The following CDH13 variants were observed in gnomAD, a reference collection of about 807,000 sequenced individuals.
CDH13 encodes cadherin 13.
A neutral mutation model predicts 63.8 loss-of-function variants in CDH13; 24 were observed. The observed-to-expected ratio is 0.38, with a 90% confidence interval of 0.27 to 0.53. The LOEUF (loss-of-function observed/expected upper bound fraction) is 0.53. Among genes scored for constraint, CDH13 ranks in the 20% least tolerant of loss-of-function variants. The pLI, the probability that CDH13 is intolerant of heterozygous loss-of-function variation, is 0.85. For synonymous variants in CDH13, 503 were observed against 355.3 expected (o/e 1.42, Z -4.67); for missense variants, 1,049 against 903.1 (o/e 1.16, Z -2.07).
intron 6 of CDH13, among the ~76,000 whole-genome samples, chr16:83,381,501 G>C (rs777567084): frequency 2.0e-5 from 3 of 151,804 alleles, no homozygotes; most frequent in Non-Finnish European, 4.4e-5. Flanking sequence ...CTGGGATGCA[G>C]TTCTTCTGGA....
At chr16:83,109,266 A>T (rs1320285395) in intron 3 of CDH13, among the ~76,000 whole-genome samples, 1 of 152,096 alleles carries the variant, frequency 6.6e-6, no homozygotes, top group African/African-American at 2.4e-5. Context: ...TGGAATCTGT[A>T]GGACTTGGCA....
intron 1 of CDH13, among the ~76,000 whole-genome samples, chr16:82,784,669 T>C (rs1024959988): frequency 2.0e-5 from 3 of 152,096 alleles, no homozygotes; most frequent in African/African-American, 7.2e-5. Flanking sequence ...AGGGGAAAAC[T>C]TCAGGGCACC....
At chr16:82,655,201 C>G (rs1406679722) in intron 1 of CDH13, among the ~76,000 whole-genome samples, 2 of 152,228 alleles carry the variant, frequency 1.3e-5, no homozygotes, top group African/African-American at 4.8e-5. Flanking sequence ...TTCCTATCTT[C>G]ATGGAGCTAT....
chr16:82,951,256 C>T (rs1203600865), intron 2 of CDH13, among the ~76,000 whole-genome samples: 4 of 152,066 alleles, frequency 2.6e-5, no homozygotes, highest in Admixed American at 6.5e-5. Flanking sequence ...CATCCCTCAC[C>T]CCATCCCAAT....
At chr16:83,003,410 C>G (rs1419638162) in intron 2 of CDH13, among the ~76,000 whole-genome samples, 1 of 150,866 alleles carries the variant, frequency 6.6e-6, no homozygotes, top group Non-Finnish European at 1.5e-5. Context: ...AATTTTCTAT[C>G]TCAAAAATCC....
chr16:83,374,835 C>T (rs2091433041), intron 6 of CDH13, among the ~76,000 whole-genome samples: 1 of 152,192 alleles, frequency 6.6e-6, no homozygotes. Context: ...GAATATACTG[C>T]TTCCATATGA....
intron 10 of CDH13, among the ~76,000 whole-genome samples, chr16:83,741,438 T>G (rs986416783): frequency 6.6e-6 from 1 of 152,092 alleles, no homozygotes; most frequent in African/African-American, 2.4e-5. Flanking sequence ...TAGTTTTTAT[T>G]TTCTACGTTT....
intron 1 of CDH13, chr16:82,719,369 G>A: frequency 2.2e-6 from 1 of 455,856 alleles, no homozygotes; most frequent in Non-Finnish European, 4.4e-6. Context: ...GAGTCAGGTG[G>A]TCCTGTGTGC....
chr16:82,791,305 C>T (rs993152659), intron 1 of CDH13, among the ~76,000 whole-genome samples: 4 of 151,166 alleles, frequency 2.6e-5, no homozygotes, highest in African/African-American at 7.3e-5. Context: ...CTTTTAAACA[C>T]GGGGCTTGTA....
At chr16:83,492,812 T>A (rs1337961501) in intron 7 of CDH13, among the ~76,000 whole-genome samples, 2 of 152,160 alleles carry the variant, frequency 1.3e-5, no homozygotes, top group African/African-American at 4.8e-5. Flanking sequence ...TCCTCCACTC[T>A]GGATAAATTC....
At chr16:83,104,870 T>C (rs983856413) in intron 3 of CDH13, among the ~76,000 whole-genome samples, 5 of 152,134 alleles carry the variant, frequency 3.3e-5, no homozygotes, top group Non-Finnish European at 7.4e-5. Context: ...ATCTGAAAAA[T>C]GGACCAAATC....
intron 3 of CDH13, among the ~76,000 whole-genome samples, chr16:83,049,413 C>G (rs1041035708): frequency 6.9e-6 from 1 of 144,740 alleles, no homozygotes; most frequent in Non-Finnish European, 1.5e-5. Context: ...CTATTCACTG[C>G]AAGCTCCACC....
chr16:83,224,295 A>G (rs1208190392), intron 5 of CDH13, among the ~76,000 whole-genome samples: 1 of 152,244 alleles, frequency 6.6e-6, no homozygotes, highest in East Asian at 1.9e-4. Flanking sequence ...GCAATTGCGA[A>G]TTGAGCTGCT....
chr16:82,794,120 A>G (rs2036459386), intron 1 of CDH13, among the ~76,000 whole-genome samples: 1 of 151,744 alleles, frequency 6.6e-6, no homozygotes, highest in African/African-American at 2.4e-5. Context: ...GAGGCCCAAC[A>G]CAAGTTCGTA....
chr16:83,077,691 G>A (rs531382893), intron 3 of CDH13, among the ~76,000 whole-genome samples: 1 of 152,258 alleles, frequency 6.6e-6, no homozygotes, highest in East Asian at 1.9e-4. Context: ...ACAATTCTGT[G>A]TATAGACCTG....
chr16:83,198,139 G>C (rs1271167848), intron 4 of CDH13, among the ~76,000 whole-genome samples: 2 of 151,886 alleles, frequency 1.3e-5, no homozygotes, highest in African/African-American at 4.8e-5. Context: ...TTCTCTGCCA[G>C]GATTTTCCTA....
chr16:83,218,927 G>C (rs2039616877), intron 5 of CDH13, among the ~76,000 whole-genome samples: 1 of 152,078 alleles, frequency 6.6e-6, no homozygotes, highest in Non-Finnish European at 1.5e-5. Flanking sequence ...ATGCTTTCTT[G>C]CCCACCGTGT....
At chr16:82,896,918 C>G (rs968440910) in intron 2 of CDH13, among the ~76,000 whole-genome samples, 5 of 151,402 alleles carry the variant, frequency 3.3e-5, no homozygotes, top group Non-Finnish European at 5.9e-5. Flanking sequence ...GTCGCTGGGA[C>G]TACAGGTGCC....
rs1257048828 is a variant in CDH13, at chr16:82,687,611, A to G, written c.45+60474A>G. On this transcript the variant is annotated intron_variant, in intron 1 of 13. Transcript: ENST00000567109. ...GAGACTTATTCACTATCACAAGAAC[A>G]GCATGGGAAAACCCTGCCCCCGAGA... Among the ~76,000 whole-genome samples the G allele has an allele frequency of 2.0e-5, 3 of 152,130 alleles. No homozygotes were observed. In the East Asian group the frequency reaches 5.8e-4, roughly 29 times the overall value.
Sources: gnomAD v4.1 joint callset for allele counts (sites outside exome capture counted in the v4.1 genomes callset) on GRCh38, gnomAD v4.1.1 for gene constraint, MANE v1.5 for transcripts, NCBI Gene and HGNC (gene_info 2026-07-23, HGNC 2026-07-21) for gene names.